The following DENND5B variants were observed in gnomAD, a reference collection of about 807,000 sequenced individuals.
DENND5B encodes the protein DENN domain containing 5B, also known as DENN domain-containing protein 5B.
DENND5B carries 34 observed loss-of-function variants against 140.6 expected under a neutral mutation model. The observed-to-expected ratio is 0.24, with a 90% CI of 0.18 to 0.32. The LOEUF (loss-of-function observed/expected upper bound fraction) is 0.32. DENND5B is among the 10% of genes least tolerant of loss of function. DENND5B has a pLI of 1.00. For missense variants in DENND5B, 1,142 were observed against 1,560.2 expected (o/e 0.73, Z 4.52); for synonymous variants, 551 against 562.1 (o/e 0.98, Z 0.28).
chr12:31,488,004 G>A (rs1247976579), intron 2 of DENND5B, among the ~76,000 whole-genome samples: 1 of 151,048 alleles, frequency 6.6e-6, no homozygotes, highest in African/African-American at 2.5e-5. Context: ...CGCCCAGTCT[G>A]GTATGCAGTG....
At chr12:31,450,359 A>C (rs1944459285) in intron 5 of DENND5B, among the ~76,000 whole-genome samples, 1 of 30,210 alleles carries the variant, frequency 3.3e-5, no homozygotes, top group Non-Finnish European at 1.2e-4. Flanking sequence ...GAAGTAAAAA[A>C]ATTATCTTTT....
In DENND5B at chr12:31,505,924, T is replaced by C. The variant is rs1350799209; in HGVS notation, c.128-10005A>G. On this transcript the variant is annotated intron_variant, in intron 1 of 20. Coordinates refer to ENST00000389082, the MANE Select transcript of DENND5B (RefSeq NM_144973.4). ...ATCATGGCTTACTGCTGCCTGGACCTCCCAGGCTCAAGTGATCCTCTCACC... is the reference window on the plus strand; with the variant it reads ...ATCATGGCTTACTGCTGCCTGGACCCCCCAGGCTCAAGTGATCCTCTCACC... Among the ~76,000 whole-genome samples, 4 of 152,286 alleles carry C rather than the reference T, an allele frequency of 2.6e-5. No individual in the cohort carries two copies. In the East Asian group the frequency reaches 7.7e-4, roughly 29 times the overall value.
intron 17 of DENND5B, among the ~76,000 whole-genome samples, chr12:31,393,712 G>A (rs1189150278): frequency 6.6e-6 from 1 of 152,022 alleles, no homozygotes; most frequent in Non-Finnish European, 1.5e-5. Context: ...TTTTGAGATG[G>A]AGTCTCGCTC....
chr12:31,479,648 T>C lies in DENND5B; in HGVS notation c.845A>G (p.Asn282Ser). Residue 282 changes from asparagine to serine, a missense_variant, in exon 3 of 21, where the codon AAC becomes AGC. Physicochemically the swap from Asn to Ser is conservative, Grantham distance 46. This residue lies in a region of DENND5B where 708 missense variants were observed against 905.5 expected (regional missense o/e 0.78). Coordinates refer to ENST00000389082, the MANE Select transcript of DENND5B (RefSeq NM_144973.4). ...AACACAGGTAAACACCTGCACCAGG[T>C]TCTCTAATCCCAGGAGCTCAAATGC... ...REAFELLGLE[N>S]LVQVFTCVLL... The C allele has an allele frequency of 5.8e-6, 9 of 1,550,286 alleles. No homozygotes were observed. Among genetic ancestry groups the C allele is most frequent in the Non-Finnish European group, 7.8e-6 (9 of 1,150,646 alleles).
At chr12:31,496,097 C>A (rs1012502093) in intron 1 of DENND5B, among the ~76,000 whole-genome samples, 178 bp from the exon 2 acceptor site, 2 of 152,194 alleles carry the variant, frequency 1.3e-5, no homozygotes, top group African/African-American at 2.4e-5. Context: ...AACAACAGAG[C>A]AGCATTTAAA....
intron 1 of DENND5B, among the ~76,000 whole-genome samples, chr12:31,513,704 T>C (rs1238277389): frequency 2.0e-5 from 3 of 152,154 alleles, no homozygotes; most frequent in Non-Finnish European, 4.4e-5. Flanking sequence ...TTGCCAGCAG[T>C]ATAAGGCTCA....
At chr12:31,400,983 C>T (rs1941766082) in intron 15 of DENND5B, among the ~76,000 whole-genome samples, 2 of 152,208 alleles carry the variant, frequency 1.3e-5, no homozygotes, top group South Asian at 4.2e-4. Context: ...GCTGGGATTA[C>T]AGGCATGTGC....
intron 17 of DENND5B, among the ~76,000 whole-genome samples, chr12:31,394,357 G>T (rs989904849): frequency 9.2e-5 from 14 of 151,864 alleles, no homozygotes; most frequent in African/African-American, 2.7e-4. Context: ...CATGAGAAAA[G>T]AAAGTACGAT....
intron 5 of DENND5B, among the ~76,000 whole-genome samples, chr12:31,448,008 T>A (rs1345739191): frequency 6.6e-6 from 1 of 152,192 alleles, no homozygotes; most frequent in Non-Finnish European, 1.5e-5. Flanking sequence ...CTGATCCTTA[T>A]GACCATTATG....
At position 31,382,673 on chromosome 12, in the gene DENND5B, G is replaced by A. The variant is rs965911407; in HGVS notation, c.*4930C>T. 1 of 151,682 alleles carries A rather than the reference G, an allele frequency of 6.6e-6. No homozygotes were observed. The highest frequency in any genetic ancestry group is 2.4e-5 in the African/African-American group (1 of 41,332). The allele number at this position is 151,682 out of a possible 1,614,324, so 9.4% of individuals were successfully genotyped here. On this transcript the variant is annotated 3_prime_UTR_variant, in exon 21 of 21. Coordinates refer to ENST00000389082, the MANE Select transcript of DENND5B (RefSeq NM_144973.4). Reference sequence around the variant, plus strand: ...TATGATTCCCTCCTACATAACCCAAGGATACCCTGGATCCCTTCGAATGAG... The same window carrying A: ...TATGATTCCCTCCTACATAACCCAAAGATACCCTGGATCCCTTCGAATGAG...
intron 3 of DENND5B, among the ~76,000 whole-genome samples, chr12:31,472,969 T>A (rs1015406798): frequency 6.6e-6 from 1 of 151,508 alleles, no homozygotes. Context: ...AGATAGGGTC[T>A]CACTGTGTCA....
chr12:31,535,073 CAAAAAAAAAAAAAAAA>C (rs747166398), intron 1 of DENND5B: 13 of 95,938 alleles, frequency 1.4e-4, no homozygotes, highest in Middle Eastern at 4.7e-3. Context: ...GACTCTGTCT[CAAAAAAAAAAAAAAAA>C]AAAAAAAAAA....
chr12:31,571,694 T>G (rs902325131), intron 1 of DENND5B, among the ~76,000 whole-genome samples: 3 of 152,108 alleles, frequency 2.0e-5, no homozygotes, highest in Admixed American at 6.5e-5. Context: ...CTCGGCTCAC[T>G]GCAACCTCCA....
At chr12:31,394,534 T>C (rs931561023) in intron 17 of DENND5B, among the ~76,000 whole-genome samples, 1 of 152,156 alleles carries the variant, frequency 6.6e-6, no homozygotes, top group Admixed American at 6.5e-5. Flanking sequence ...TTGATGAGCT[T>C]TGACAAATGG....
chr12:31,431,380 C>T (rs1261844330), intron 8 of DENND5B, among the ~76,000 whole-genome samples: 2 of 152,104 alleles, frequency 1.3e-5, no homozygotes. Flanking sequence ...CTTGTTGCCT[C>T]AAGTGAACAG....
intron 19 of DENND5B, among the ~76,000 whole-genome samples, chr12:31,391,515 A>C (rs569379575): frequency 1.5e-4 from 23 of 152,324 alleles, no homozygotes; most frequent in African/African-American, 5.3e-4. Context: ...ACCTGAGTAT[A>C]AGTTTGTCAA....
At chr12:31,489,460 C>T (rs1946437555) in intron 2 of DENND5B, among the ~76,000 whole-genome samples, 2 of 152,168 alleles carry the variant, frequency 1.3e-5, no homozygotes, top group Non-Finnish European at 2.9e-5. Context: ...ATCAGTGTTG[C>T]TACGGACTCT....
chr12:31,472,117 G>A (rs1945589017), intron 3 of DENND5B, among the ~76,000 whole-genome samples: 1 of 152,112 alleles, frequency 6.6e-6, no homozygotes, highest in Non-Finnish European at 1.5e-5. Context: ...TAACTTTACT[G>A]CTTCAAAATC....
chr12:31,464,394 T>C (rs933870393), intron 3 of DENND5B, among the ~76,000 whole-genome samples: 9 of 152,180 alleles, frequency 5.9e-5, no homozygotes, highest in African/African-American at 7.2e-5. Context: ...CACTTCTTAT[T>C]ATCACCAGAG....
Sources: gnomAD v4.1 joint callset for allele counts (sites outside exome capture counted in the v4.1 genomes callset) on GRCh38, gnomAD v4.1.1 for gene constraint, gnomAD v4.1.1 regional missense constraint, MANE v1.5 for transcripts, NCBI Gene and HGNC (gene_info 2026-07-23, HGNC 2026-07-21) for gene names.